Variants in GLS2 observed in about 807,000 individuals in gnomAD.
GLS2 encodes the protein glutaminase liver isoform, mitochondrial.
Under a neutral mutation model 79.0 loss-of-function variants are expected in GLS2, and 52 were observed. The ratio of observed to expected loss-of-function variants is 0.66; its 90% CI spans 0.53 to 0.83. The LOEUF (loss-of-function observed/expected upper bound fraction) is 0.83, where lower values mean the gene tolerates loss of function less well. Ranked by LOEUF, GLS2 falls within the 40% of genes least tolerant of loss-of-function variation. The pLI is 0.00. For missense variants in GLS2, 561 were observed against 764.8 expected (o/e 0.73, Z 3.14); for synonymous variants, 238 against 280.8 (o/e 0.85, Z 1.52).
chr12:56,473,503 T>C lies in GLS2; in HGVS notation c.1316A>G (p.Asp439Gly), dbSNP rs1230130360. The change falls in exon 13 of 18, where the codon GAC becomes GGC. Residue 439 changes from aspartate to glycine, a missense_variant. By Grantham distance (94) the Asp-to-Gly change is moderately conservative. This residue lies in a region of GLS2 where 136 missense variants were observed against 228.6 expected (regional missense o/e 0.59). Coordinates refer to ENST00000311966, the MANE Select transcript of GLS2 (RefSeq NM_013267.4). ...MGMMCLSPPL[D>G]KLGNSHRGTS... ...CCCCCTATGGCTGTTCCCCAGCTTG[T>C]CCAATGGGGGTGACAGGCACATCAT... 5 of 1,613,834 alleles carry C rather than the reference T, an allele frequency of 3.1e-6. No homozygotes were observed. The highest frequency in any genetic ancestry group is 4.2e-6 in the Non-Finnish European group (5 of 1,179,998).
Position 56,488,086 on chromosome 12 carries a change from C to T in GLS2, c.33G>A (p.Leu11=), listed in dbSNP as rs1397935724. 13 of 1,568,682 alleles carry T rather than the reference C, an allele frequency of 8.3e-6. No individual in the cohort carries two copies. Among genetic ancestry groups the T allele is most frequent in the Non-Finnish European group, 1.1e-5 (13 of 1,164,132 alleles). Residue 11 remains leucine (L), a synonymous_variant, in exon 1 of 18, where the codon CTG becomes CTA. Coordinates refer to ENST00000311966, the MANE Select transcript of GLS2 (RefSeq NM_013267.4). Reference sequence around the variant, plus strand: ...GCCCGCAGTGACTGCCAGCCCGGCTCAGGGCCTTCTGCAGAGCCTTCATGG... The same window carrying T: ...GCCCGCAGTGACTGCCAGCCCGGCTTAGGGCCTTCTGCAGAGCCTTCATGG... MRSMKALQKA[L]SRAGSHCGRG... is the part of the protein sequence containing the mutation.
At chr12:56,485,512 G>A (rs1353440325) in intron 1 of GLS2, among the ~76,000 whole-genome samples, 1 of 151,688 alleles carries the variant, frequency 6.6e-6, no homozygotes, top group East Asian at 1.9e-4. Flanking sequence ...TGATCCCCCT[G>A]CCTTGGCCAC....
intron 1 of GLS2, among the ~76,000 whole-genome samples, chr12:56,481,532 T>G (rs1416453349): frequency 6.6e-6 from 1 of 151,120 alleles, no homozygotes; most frequent in East Asian, 2.0e-4. Context: ...CTTTCTAAAC[T>G]CAAATGTAAT....
At chr12:56,474,797 G>A in intron 11 of GLS2, 49 bp downstream of exon 11, 1 of 1,612,838 alleles carries the variant, frequency 6.2e-7, no homozygotes, top group Non-Finnish European at 8.5e-7. Context: ...AAGGGCAAGG[G>A]CAAGGACAGT....
chr12:56,471,400 G>T lies in GLS2; in HGVS notation c.*87C>A. The T allele has an allele frequency of 7.1e-7, 1 of 1,400,012 alleles. No homozygotes were observed. Among genetic ancestry groups the T allele is most frequent in the Non-Finnish European group, 9.7e-7 (1 of 1,036,086 alleles). The allele number at this position is 1,400,012 out of a possible 1,614,324, so 86.7% of individuals were successfully genotyped here. On this transcript the variant is annotated 3_prime_UTR_variant, in exon 18 of 18. Coordinates refer to ENST00000311966, the MANE Select transcript of GLS2 (RefSeq NM_013267.4). ...GCTTGGTCCCCACTGAAGCAGTGTA[G>T]CTCTCCATAGTATTTTTGGTGGTTA... is the stretch of plus-strand genomic sequence containing the variant.
chr12:56,473,232 A>C lies in GLS2; in HGVS notation c.1445T>G (p.Ile482Ser), dbSNP rs749916138. ...GCCACCTGGAGTTTTCCTTACCCGA[A>C]TTTCTGCCCCTTCACGCCGTGGGTC... ...KLDPRREGAE[I>S]RNKTVVNLLF... is the part of the protein sequence containing the mutation. The change falls in exon 14 of 18, where the codon ATT becomes AGT. Residue 482 changes from isoleucine to serine, a missense_variant. Transcript: ENST00000311966. The C allele has an allele frequency of 2.8e-5, 45 of 1,613,878 alleles. No individual in the cohort carries two copies. Among genetic ancestry groups the C allele is most frequent in the Non-Finnish European group, 3.3e-5 (39 of 1,179,970 alleles).
At chr12:56,474,518 G>A in intron 12 of GLS2, 26 bp downstream of exon 12, 1 of 1,612,626 alleles carries the variant, frequency 6.2e-7, no homozygotes, top group African/African-American at 1.3e-5. Flanking sequence ...GCTCATGACA[G>A]ATGGATAGCA....
chr12:56,471,499 T>C lies in GLS2; in HGVS notation c.1797A>G (p.Glu599=), dbSNP rs1869253317. The change falls in exon 18 of 18, where the codon GAA becomes GAG. Residue 599 remains glutamate, a synonymous_variant. Coordinates refer to ENST00000311966, the MANE Select transcript of GLS2 (RefSeq NM_013267.4). ...AAEALSKENL[E]SMV is the part of the protein sequence containing the mutation. ...CCATGACCTGTGCTCATACCATGCT[T>C]TCTAAGTTCTCTTTGGACAGGGCCT... 2 of 1,613,370 alleles carry C rather than the reference T, an allele frequency of 1.2e-6. No homozygotes were observed. Among genetic ancestry groups the C allele is most frequent in the Non-Finnish European group, 1.7e-6 (2 of 1,179,594 alleles).
At chr12:56,483,320 C>T (rs950798420) in intron 1 of GLS2, among the ~76,000 whole-genome samples, 4 of 151,846 alleles carry the variant, frequency 2.6e-5, no homozygotes, top group African/African-American at 9.7e-5. Context: ...ACCTTGTGAT[C>T]CGCCTGCCTC....
At chr12:56,479,413 AT>A in intron 3 of GLS2, 3 of 489,660 alleles carry the variant, frequency 6.1e-6, no homozygotes. Context: ...GAGAAAAAAA[AT>A]AAATACCAGA....
chr12:56,471,723 T>C, intron 17 of GLS2, 50 bp downstream of exon 17: 1 of 1,610,352 alleles, frequency 6.2e-7, no homozygotes, highest in Non-Finnish European at 8.5e-7. Context: ...GGCTGGAGGG[T>C]AGGTGGAGAA....
intron 16 of GLS2, 51 bp from the exon 17 acceptor site, chr12:56,471,887 T>C (rs369651460): frequency 6.4e-7 from 1 of 1,574,524 alleles, no homozygotes; most frequent in Non-Finnish European, 8.7e-7. Flanking sequence ...TTGAACCCTT[T>C]GGTGCAGACA....
chr12:56,471,587 T>A lies in GLS2; in HGVS notation c.1709A>T (p.Lys570Ile). 6.2e-7 allele frequency: 1 copy of A among 1,614,082 alleles called. No homozygotes were observed. The highest frequency in any genetic ancestry group is 8.5e-7 in the Non-Finnish European group (1 of 1,180,016). ...GGAGTCCTGGTAATCTTGAAGCAGT[T>A]TGACCACCTCCAGATGGTTGAACTG... ...AVQFNHLEVV[K>I]LLQDYQDSYT... The change falls in exon 18 of 18, where the codon AAA becomes ATA. Residue 570 changes from lysine (K) to isoleucine (I), a missense_variant. Physicochemically the swap from Lys to Ile is moderately radical, Grantham distance 102 (BLOSUM62 -3). Around this residue, in one of 4 missense-constraint regions of GLS2, gnomAD observed 136 missense variants for 228.6 expected, o/e 0.59. Coordinates refer to ENST00000311966, the MANE Select transcript of GLS2 (RefSeq NM_013267.4).
Position 56,488,143 on chromosome 12 carries a change from A to C in GLS2, c.-25T>G. The C allele has an allele frequency of 6.6e-7, 1 of 1,516,054 alleles. No individual in the cohort carries two copies. 93.9% of individuals were successfully genotyped at this position (1,516,054 alleles called of 1,614,324 possible). A position where few individuals can be genotyped will look rare whatever the true frequency, so the allele number is the denominator to read the frequency against. On this transcript the variant is annotated 5_prime_UTR_variant, in exon 1 of 18. Coordinates refer to ENST00000311966, the MANE Select transcript of GLS2 (RefSeq NM_013267.4). Reference sequence around the variant, plus strand: ...TGCCCCAGCAAGCCTCCGGCTCTGCAGGTGCGCCCGGGACCTCTAGCTGTG... The same window carrying C: ...TGCCCCAGCAAGCCTCCGGCTCTGCCGGTGCGCCCGGGACCTCTAGCTGTG...
At chr12:56,472,961 C>T in intron 14 of GLS2, 1 of 571,060 alleles carries the variant, frequency 1.8e-6, no homozygotes, top group South Asian at 2.1e-5. Context: ...GCGGTCTTGG[C>T]TCACTGCAAC....
Position 56,475,102 on chromosome 12 carries a change from G to A in GLS2, c.938C>T (p.Ser313Leu). The A allele has an allele frequency of 1.2e-6, 2 of 1,614,044 alleles. No homozygotes were observed. The highest frequency in any genetic ancestry group is 8.5e-7 in the Non-Finnish European group (1 of 1,180,032). ...YMGFSNATFQ[S>L]EKETGDRNYA... ...ATTCCGATCCCCTGTTTCCTTCTCT[G>A]ACTGGAATCTGAAGCAAACACCCAA... The change falls in exon 10 of 18, where the codon TCA becomes TTA. Residue 313 changes from serine (S) to leucine (L), a missense_variant. Physicochemically the swap from Ser to Leu is moderately radical, Grantham distance 145 (BLOSUM62 -2). Around this residue, in one of 4 missense-constraint regions of GLS2, gnomAD observed 221 missense variants for 275.6 expected, o/e 0.80. Transcript: ENST00000311966.
intron 12 of GLS2, 199 bp from the exon 13 acceptor site, chr12:56,473,793 T>C (rs185659334): frequency 1.2e-3 from 751 of 629,220 alleles, no homozygotes; most frequent in Admixed American, 2.2e-3. Context: ...TAGAAAATAT[T>C]TTTTGAAATA....
intron 14 of GLS2, chr12:56,472,982 C>CA: frequency 3.4e-6 from 2 of 585,930 alleles, no homozygotes; most frequent in Non-Finnish European, 5.9e-6. Flanking sequence ...CTCTGCCTCC[C>CA]GGTTTCAAGC....
chr12:56,477,559 G>C, intron 7 of GLS2, 101 bp downstream of exon 7: 2 of 1,233,640 alleles, frequency 1.6e-6, no homozygotes, highest in Middle Eastern at 3.9e-4. Context: ...AAAGGAATCA[G>C]AGCCCCACCA....
Sources: allele counts gnomAD v4.1 joint callset (sites outside exome capture counted in the v4.1 genomes callset), GRCh38; gene constraint gnomAD v4.1.1; regional missense constraint gnomAD v4.1.1; transcripts MANE v1.5; gene names NCBI Gene and HGNC (gene_info 2026-07-23, HGNC 2026-07-21).